ZSWIM5: variants seen among roughly 807,000 people sequenced by gnomAD.
ZSWIM5 encodes the protein zinc finger SWIM domain-containing protein 5.
ZSWIM5 carries 55 observed loss-of-function variants against 119.6 expected under a neutral mutation model. The ratio of observed to expected loss-of-function variants is 0.46; its 90% confidence interval spans 0.37 to 0.58. ZSWIM5 has a LOEUF of 0.58. Among genes scored for constraint, ZSWIM5 ranks in the 20% least tolerant of loss-of-function variants. ZSWIM5 has a pLI of 0.00. For missense variants in ZSWIM5, 1,193 were observed against 1,512.8 expected, an observed-to-expected ratio of 0.79 and a Z score of 3.51; for synonymous variants, 537 against 606.9, an observed-to-expected ratio of 0.88 and a Z score of 1.69.
At chr1:45,132,425 T>C (rs1171615059) in intron 1 of ZSWIM5, among the ~76,000 whole-genome samples, 1 of 152,134 alleles carries the variant, frequency 6.6e-6, no homozygotes, top group Non-Finnish European at 1.5e-5. Flanking sequence ...TGGGACACTG[T>C]AGGCACAGTA....
In ZSWIM5 at chr1:45,016,901, G is replaced by A. The variant is rs1390719270; in HGVS notation, c.*1553C>T. ...AGGGCTAAGACAGGACTGCCCACTAGGGCTAGAAATTAGGAAGGGAGAGGC... is the reference window on the plus strand; with the variant it reads ...AGGGCTAAGACAGGACTGCCCACTAAGGCTAGAAATTAGGAAGGGAGAGGC... On this transcript the variant is annotated 3_prime_UTR_variant, in exon 14 of 14. Coordinates refer to ENST00000359600, the MANE Select transcript of ZSWIM5 (RefSeq NM_020883.2). 1 of 152,326 alleles carries A rather than the reference G, an allele frequency of 6.6e-6. No individual in the cohort carries two copies. The highest frequency in any genetic ancestry group is 1.5e-5 in the Non-Finnish European group (1 of 68,088). The allele number at this position is 152,326 out of a possible 1,614,324, so 9.4% of individuals were successfully genotyped here.
chr1:45,186,613 A>T lies in ZSWIM5; in HGVS notation c.595+19143T>A, dbSNP rs1056563928. Among the ~76,000 whole-genome samples the T allele has an allele frequency of 9.9e-5, 15 of 151,916 alleles. No individual in the cohort carries two copies. In the South Asian group the frequency reaches 2.5e-3, roughly 25 times the overall value. On this transcript the variant is annotated intron_variant, in intron 1 of 13. Transcript: ENST00000359600. ...CTTGGTTTTATTTATTTATTTATTT[A>T]TTTATTTTTTGAGACAGTGTCTCGC...
At chr1:45,172,984 T>G (rs569474336) in intron 1 of ZSWIM5, among the ~76,000 whole-genome samples, 1 of 152,030 alleles carries the variant, frequency 6.6e-6, no homozygotes, top group East Asian at 1.9e-4. Flanking sequence ...GGAAACACAG[T>G]GAGACCCAGT....
At chr1:45,203,367 T>A (rs1403628465) in intron 1 of ZSWIM5, among the ~76,000 whole-genome samples, 2 of 151,998 alleles carry the variant, frequency 1.3e-5, no homozygotes, top group Non-Finnish European at 2.9e-5. Context: ...TCTTTTTTCA[T>A]TTAAATTCCC....
intron 11 of ZSWIM5, among the ~76,000 whole-genome samples, chr1:45,027,004 A>T (rs1644924334): frequency 7.1e-6 from 1 of 141,656 alleles, no homozygotes; most frequent in South Asian, 2.3e-4. Context: ...GTGGGCATAG[A>T]GTTGTTCAAA....
At chr1:45,037,446 T>C (rs1187350916) in intron 8 of ZSWIM5, among the ~76,000 whole-genome samples, 1 of 152,156 alleles carries the variant, frequency 6.6e-6, no homozygotes, top group African/African-American at 2.4e-5. Context: ...GCTAAGCCAG[T>C]TAGGGAAGTA....
At chr1:45,102,999 C>A (rs1380861492) in intron 1 of ZSWIM5, among the ~76,000 whole-genome samples, 2 of 151,994 alleles carry the variant, frequency 1.3e-5, no homozygotes, top group South Asian at 2.1e-4. Context: ...GCAGCTGAGA[C>A]CACAGGCATG....
chr1:45,115,125 C>G (rs1048667520), intron 1 of ZSWIM5, among the ~76,000 whole-genome samples: 1 of 152,224 alleles, frequency 6.6e-6, no homozygotes, highest in Non-Finnish European at 1.5e-5. Context: ...AAACCGCCAT[C>G]GTCATCATGG....
intron 5 of ZSWIM5, among the ~76,000 whole-genome samples, chr1:45,047,001 G>A (rs1299079248): frequency 7.1e-6 from 1 of 141,180 alleles, no homozygotes; most frequent in Non-Finnish European, 1.5e-5. Context: ...TCCAGCCTGG[G>A]CAACGAACTC....
intron 1 of ZSWIM5, among the ~76,000 whole-genome samples, chr1:45,113,033 G>A (rs1232331630): frequency 6.6e-6 from 1 of 152,236 alleles, no homozygotes; most frequent in Non-Finnish European, 1.5e-5. Context: ...CCTCGTAGAT[G>A]TGGAAAACTG....
Position 45,060,144 on chromosome 1 carries a change from G to A in ZSWIM5, c.1056C>T (p.Gly352=), listed in dbSNP as rs375655404. 3.0e-5 allele frequency: 49 copies of A among 1,614,006 alleles called. No individual in the cohort carries two copies. The highest frequency in any genetic ancestry group is 4.5e-5 in the East Asian group (2 of 44,902). ...GTTGCTTTCCAGAGCCACAGTAACC[G>A]CCCTGGGAGAGAAAAAGCTTCACTT... is the stretch of plus-strand genomic sequence containing the variant. ...KEQVKLFLSQ[G]GYCGSGKQLN... is the part of the protein sequence containing the mutation. The change falls in exon 3 of 14, where the codon GGC becomes GGT. Residue 352 remains glycine, a synonymous_variant. Transcript: ENST00000359600.
At chr1:45,092,768 A>T (rs1645376044) in intron 1 of ZSWIM5, among the ~76,000 whole-genome samples, 1 of 152,222 alleles carries the variant, frequency 6.6e-6, no homozygotes, top group Non-Finnish European at 1.5e-5. Flanking sequence ...GGTGGGCCTC[A>T]TACAATTGAC....
At chr1:45,119,699 CTAACTA>C (rs1477331843) in intron 1 of ZSWIM5, among the ~76,000 whole-genome samples, 2 of 152,186 alleles carry the variant, frequency 1.3e-5, no homozygotes, top group African/African-American at 4.8e-5. Context: ...TTTTGTCACA[CTAACTA>C]TAAGTTACCC....
intron 1 of ZSWIM5, among the ~76,000 whole-genome samples, chr1:45,125,082 A>G (rs1645612315): frequency 6.6e-6 from 1 of 152,218 alleles, no homozygotes; most frequent in South Asian, 2.1e-4. Flanking sequence ...CCATCAACCA[A>G]GAGAATTCAA....
At chr1:45,037,571 G>A (rs954036515) in intron 8 of ZSWIM5, among the ~76,000 whole-genome samples, 3 of 152,198 alleles carry the variant, frequency 2.0e-5, no homozygotes, top group Non-Finnish European at 4.4e-5. Context: ...TGTTGTTCTA[G>A]GTATTGCTAT....
chr1:45,149,399 A>C (rs1320265869), intron 1 of ZSWIM5, among the ~76,000 whole-genome samples: 1 of 152,234 alleles, frequency 6.6e-6, no homozygotes, highest in Non-Finnish European at 1.5e-5. Flanking sequence ...TGAATATACA[A>C]TTTAGCACAA....
rs58309693 is a variant in ZSWIM5, at chr1:45,075,877, A to ATTTT, written c.952+12000_952+12003dup. On this transcript the variant is annotated intron_variant, in intron 2 of 13. Coordinates refer to ENST00000359600, the MANE Select transcript of ZSWIM5 (RefSeq NM_020883.2). ...TTTTAACTTTTTGTGTAGCTGTTGT[A>ATTTT]TTTTTTTTTTTTTTTGGCTTGAAGT... Among the ~76,000 whole-genome samples the ATTTT allele has an allele frequency of 3.5e-4, 44 of 127,120 alleles. 1 individual carries two copies. The highest frequency in any genetic ancestry group is 5.1e-4 in the Non-Finnish European group (30 of 58,714). 83.4% of individuals were successfully genotyped at this position (127,120 alleles called of 152,430 possible).
Position 45,050,079 on chromosome 1 carries a change from C to T in ZSWIM5, c.1432+995G>A, listed in dbSNP as rs973960943. On this transcript the variant is annotated intron_variant, in intron 5 of 13. Coordinates refer to ENST00000359600, the MANE Select transcript of ZSWIM5 (RefSeq NM_020883.2). The stretch of plus-strand genomic sequence containing the variant: ...ATTTGAAATAAAAGGAACTGCCAGG[C>T]GCAGTGGCTCATGCCTGTAATCCCA... Among the ~76,000 whole-genome samples, 8 of 152,112 alleles carry T rather than the reference C, an allele frequency of 5.3e-5. No individual in the cohort carries two copies. The East Asian group carries it at 1.2e-3, about 22-fold the overall frequency.
At chr1:45,107,243 C>T (rs1187102463) in intron 1 of ZSWIM5, among the ~76,000 whole-genome samples, 2 of 151,966 alleles carry the variant, frequency 1.3e-5, no homozygotes, top group Non-Finnish European at 2.9e-5. Context: ...ATGTTATTTT[C>T]GTTATTTTGG....
Sources: allele counts gnomAD v4.1 joint callset (sites outside exome capture counted in the v4.1 genomes callset), GRCh38; gene constraint gnomAD v4.1.1; transcripts MANE v1.5; gene names NCBI Gene and HGNC (gene_info 2026-07-23, HGNC 2026-07-21).